The following MS4A5 variants were observed in gnomAD, a reference collection of about 807,000 sequenced individuals.
MS4A5 encodes the protein membrane-spanning 4-domains subfamily A member 5.
In MS4A5, 15 loss-of-function variants were observed where a neutral mutation model predicts 18.2. The observed-to-expected ratio is 0.83, with a 90% CI of 0.55 to 1.27. The LOEUF (loss-of-function observed/expected upper bound fraction) is 1.27, where lower values mean the gene tolerates loss of function less well. Among genes scored for constraint, MS4A5 ranks in the 50% most tolerant of loss-of-function variants. The pLI, the probability that MS4A5 is intolerant of heterozygous loss-of-function variation, is 0.00. For missense variants in MS4A5, 232 were observed against 225.7 expected (o/e 1.03, Z -0.18); for synonymous variants, 89 against 78.7 (o/e 1.13, Z -0.69).
At chr11:60,447,324 G>GCTATC (rs2086145979) in intron 4 of MS4A5, among the ~76,000 whole-genome samples, 1 of 146,154 alleles carries the variant, frequency 6.8e-6, no homozygotes, top group Admixed American at 7.8e-5. Flanking sequence ...GCTATGCTAT[G>GCTATC]CTATGCTATG....
At chr11:60,436,096 T>A (rs112127310) in intron 4 of MS4A5, among the ~76,000 whole-genome samples, 8,063 of 152,038 alleles carry the variant, frequency 0.053, 284 homozygotes, top group South Asian at 0.16. Context: ...GCAGACTGCC[T>A]CCTCAAGTGG....
At chr11:60,442,753 G>A (rs2086120599) in intron 4 of MS4A5, among the ~76,000 whole-genome samples, 1 of 152,164 alleles carries the variant, frequency 6.6e-6, no homozygotes, top group Non-Finnish European at 1.5e-5. Flanking sequence ...CTAACTGATG[G>A]AAGTGATAAG....
intron 4 of MS4A5, among the ~76,000 whole-genome samples, chr11:60,447,215 C>T (rs1312038572): frequency 6.6e-6 from 1 of 151,720 alleles, no homozygotes; most frequent in East Asian, 1.9e-4. Context: ...CTATGCTATG[C>T]TATGCTATCC....
intron 4 of MS4A5, 25 bp from the exon 5 acceptor site, chr11:60,447,621 ATTT>A (rs757340172): frequency 7.8e-7 from 1 of 1,281,798 alleles, no homozygotes; most frequent in East Asian, 2.5e-5. Context: ...ATGACTCTTC[ATTT>A]TTTTTTCTTC....
chr11:60,433,079 A>G (rs1253305783), intron 3 of MS4A5, among the ~76,000 whole-genome samples: 3 of 152,212 alleles, frequency 2.0e-5, no homozygotes, highest in Non-Finnish European at 1.5e-5. Flanking sequence ...CAGCCAATTA[A>G]TGGTAGAATT....
chr11:60,441,625 G>GAAA (rs34742673), intron 4 of MS4A5, among the ~76,000 whole-genome samples: 1 of 138,934 alleles, frequency 7.2e-6, no homozygotes, highest in Admixed American at 7.2e-5. Flanking sequence ...GTCAAGACTT[G>GAAA]AAAAAAAAAA....
At position 60,433,841 on chromosome 11, in the gene MS4A5, T is replaced by C; in HGVS notation, c.416T>C (p.Phe139Ser). The C allele has an allele frequency of 6.2e-7, 1 of 1,614,088 alleles. No individual in the cohort carries two copies. The highest frequency in any genetic ancestry group is 1.1e-5 in the South Asian group (1 of 91,084). Residue 139 changes from phenylalanine (F) to serine (S), a missense_variant, in exon 4 of 5, where the codon TTC (phenylalanine) becomes TCC (serine). Phe to Ser is a radical substitution (Grantham distance 155). Coordinates refer to ENST00000300190, the MANE Select transcript of MS4A5 (RefSeq NM_023945.3). ...IAGIILLTFG[F>S]ILDQNYICGY... ...GGAATCATTCTCCTCACATTTGGTTTCATCCTAGATCAAAACTACATTTGT... is the reference window on the plus strand; with the variant it reads ...GGAATCATTCTCCTCACATTTGGTTCCATCCTAGATCAAAACTACATTTGT...
chr11:60,431,631 C>T (rs146026708), intron 2 of MS4A5, among the ~76,000 whole-genome samples: 50 of 152,236 alleles, frequency 3.3e-4, no homozygotes, highest in African/African-American at 9.9e-4. Flanking sequence ...GAGGGGACAA[C>T]GCCCAGAGAC....
At chr11:60,434,472 G>A (rs563782182) in intron 4 of MS4A5, among the ~76,000 whole-genome samples, 112 of 152,234 alleles carry the variant, frequency 7.4e-4, no homozygotes, top group African/African-American at 2.6e-3. Context: ...CAAAGCAGGG[G>A]GAAGTCATAT....
In MS4A5 at chr11:60,447,676, A is replaced by G; in HGVS notation, c.520A>G (p.Ser174Gly). The change falls in exon 5 of 5, where the codon AGC (serine) becomes GGC (glycine). Residue 174 changes from serine to glycine, a missense_variant. By Grantham distance (56) the Ser-to-Gly change is moderately conservative. Transcript: ENST00000300190. ...LGILITLMTF[S>G]IIELFISLPF... is the part of the protein sequence containing the mutation. ...AATTTTGATTACATTGATGACTTTCAGCATTATTGAATTATTCATTTCTCT... is the reference window on the plus strand; with the variant it reads ...AATTTTGATTACATTGATGACTTTCGGCATTATTGAATTATTCATTTCTCT... 6.3e-7 allele frequency: 1 copy of G among 1,588,160 alleles called. No homozygotes were observed. Among genetic ancestry groups the G allele is most frequent in the Non-Finnish European group, 8.5e-7 (1 of 1,172,634 alleles).
intron 4 of MS4A5, among the ~76,000 whole-genome samples, 154 bp downstream of exon 4, chr11:60,434,071 C>T (rs148017355): frequency 3.9e-5 from 6 of 152,242 alleles, no homozygotes; most frequent in African/African-American, 1.4e-4. Flanking sequence ...ATAGACATTA[C>T]ACCAGGCATT....
At chr11:60,437,649 A>G (rs1462578118) in intron 4 of MS4A5, among the ~76,000 whole-genome samples, 1 of 150,258 alleles carries the variant, frequency 6.7e-6, no homozygotes. Flanking sequence ...CAGACTTTAA[A>G]TCAACAAAGA....
chr11:60,438,044 G>C lies in MS4A5; in HGVS notation c.492+4127G>C, dbSNP rs1283494827. 4.6e-5 allele frequency among the ~76,000 whole-genome samples: 7 copies of C among 152,232 alleles called. No individual in the cohort carries two copies. In the East Asian group the frequency reaches 1.3e-3, roughly 29 times the overall value. On this transcript the variant is annotated intron_variant, in intron 4 of 4. Transcript: ENST00000300190. ...GGAAGTAAAGCTCTCCTCAGCAAAT[G>C]TAAAAGAACAGAAATTATAACAAAC... is the stretch of plus-strand genomic sequence containing the variant.
At chr11:60,433,629 G>T (rs17154981) in intron 3 of MS4A5, 136 bp from the exon 4 acceptor site, 1 of 755,722 alleles carries the variant, frequency 1.3e-6, no homozygotes, top group Non-Finnish European at 2.2e-6. Context: ...GAAGCAATTC[G>T]CACAGGATCA....
intron 4 of MS4A5, among the ~76,000 whole-genome samples, chr11:60,435,911 C>A (rs1043820656): frequency 1.3e-5 from 2 of 152,226 alleles, no homozygotes; most frequent in Non-Finnish European, 2.9e-5. Flanking sequence ...TGGGAAGCTC[C>A]AACTGGGTGG....
intron 4 of MS4A5, among the ~76,000 whole-genome samples, chr11:60,444,558 G>A (rs1218670824): frequency 1.3e-5 from 2 of 151,976 alleles, no homozygotes; most frequent in South Asian, 4.2e-4. Context: ...AATATATTAA[G>A]CACTCCTGAA....
intron 2 of MS4A5, 47 bp downstream of exon 2, chr11:60,430,971 T>A: frequency 6.3e-7 from 1 of 1,578,450 alleles, no homozygotes; most frequent in Non-Finnish European, 8.6e-7. Flanking sequence ...CCAACCAGGA[T>A]GTTAGGGAAT....
chr11:60,443,137 T>C (rs2086122657), intron 4 of MS4A5, among the ~76,000 whole-genome samples: 1 of 151,576 alleles, frequency 6.6e-6, no homozygotes, highest in African/African-American at 2.4e-5. Flanking sequence ...CAAGACTCCG[T>C]CTCAAAAACA....
Position 60,432,495 on chromosome 11 carries a change from A to C in MS4A5, c.339+28A>C. 3 of 1,448,970 alleles carry C rather than the reference A, an allele frequency of 2.1e-6. No individual in the cohort carries two copies. The South Asian group carries it at 3.6e-5, about 18-fold the overall frequency. The allele number at this position is 1,448,970 out of a possible 1,614,324, so 89.8% of individuals were successfully genotyped here. Reference sequence around the variant, plus strand: ...GAGTTATATTCTTACTTTATTAAAAATATATTTTGTAGCCAGTCATGGTGG... The same window carrying C: ...GAGTTATATTCTTACTTTATTAAAACTATATTTTGTAGCCAGTCATGGTGG... On this transcript the variant is annotated intron_variant, in intron 3 of 4. Transcript: ENST00000300190.
Sources: gnomAD v4.1 joint callset for allele counts (sites outside exome capture counted in the v4.1 genomes callset) on GRCh38, gnomAD v4.1.1 for gene constraint, MANE v1.5 for transcripts, NCBI Gene and HGNC (gene_info 2026-07-23, HGNC 2026-07-21) for gene names.